The following GRHL2 variants were observed in gnomAD, a reference collection of about 807,000 sequenced individuals.
The protein encoded by GRHL2 is grainyhead like transcription factor 2.
A neutral mutation model predicts 83.8 loss-of-function variants in GRHL2; 21 were observed. That is an observed-to-expected ratio of 0.25 (90% confidence interval 0.18 to 0.36). GRHL2 has a LOEUF of 0.36. Among genes scored for constraint, GRHL2 ranks in the 10% least tolerant of loss-of-function variants. The probability of loss-of-function intolerance (pLI) is 1.00; values close to 1 mark genes in which losing one functional copy is unlikely to be tolerated. For missense variants in GRHL2, 623 were observed against 781.8 expected, an observed-to-expected ratio of 0.80 and a Z score of 2.42; for synonymous variants, 280 against 278.9, an observed-to-expected ratio of 1.00 and a Z score of -0.04.
chr8:101,593,215 G>A (rs1335932019), intron 7 of GRHL2, among the ~76,000 whole-genome samples: 1 of 152,194 alleles, frequency 6.6e-6, no homozygotes, highest in Non-Finnish European at 1.5e-5. Flanking sequence ...CAAAGTGTTA[G>A]GATTACAGGC....
At chr8:101,585,980 T>C (rs2130270821) in intron 7 of GRHL2, among the ~76,000 whole-genome samples, 1 of 152,010 alleles carries the variant, frequency 6.6e-6, no homozygotes, top group Admixed American at 6.5e-5. Flanking sequence ...GGGTCAGGAT[T>C]CTATCCCCAG....
In GRHL2 at chr8:101,608,751, ACAC is replaced by A. The variant is rs1563605490; in HGVS notation, c.1098+9601_1098+9603del. 1.2e-3 allele frequency among the ~76,000 whole-genome samples: 167 copies of A among 141,312 alleles called. 8 individuals are homozygous for A. The highest frequency in any genetic ancestry group is 1.0e-3 in the Non-Finnish European group (68 of 67,054). The allele number at this position is 141,312 out of a possible 152,430, so 92.7% of individuals were successfully genotyped here. A position where few individuals can be genotyped will look rare whatever the true frequency, so the allele number is the denominator to read the frequency against. Reference sequence around the variant, plus strand: ...CTCACTCTCTCACACACACACACACACACACACACACACACACACACACACACC... The same window carrying A: ...CTCACTCTCTCACACACACACACACAACACACACACACACACACACACACC... On this transcript the variant is annotated intron_variant, in intron 8 of 15. Transcript: ENST00000646743.
chr8:101,620,779 G>A (rs1812949357), intron 9 of GRHL2, among the ~76,000 whole-genome samples: 1 of 152,206 alleles, frequency 6.6e-6, no homozygotes, highest in South Asian at 2.1e-4. Flanking sequence ...TCTCAGGAGA[G>A]CATGTGAGAC....
At chr8:101,559,445 G>A (rs917981758) in intron 4 of GRHL2, among the ~76,000 whole-genome samples, 1 of 151,268 alleles carries the variant, frequency 6.6e-6, no homozygotes, top group East Asian at 1.9e-4. Context: ...CGGGAGAATC[G>A]CTTCAACCCG....
intron 7 of GRHL2, among the ~76,000 whole-genome samples, chr8:101,588,878 C>G (rs1812220610): frequency 6.6e-6 from 1 of 152,220 alleles, no homozygotes; most frequent in Non-Finnish European, 1.5e-5. Context: ...ATATAAAATA[C>G]CACCACTTCA....
chr8:101,572,559 A>G (rs1287139233), intron 5 of GRHL2, among the ~76,000 whole-genome samples: 1 of 152,206 alleles, frequency 6.6e-6, no homozygotes, highest in Non-Finnish European at 1.5e-5. Flanking sequence ...CCAGCCTTCC[A>G]ACGACTATGA....
intron 3 of GRHL2, among the ~76,000 whole-genome samples, chr8:101,557,157 A>G (rs1028198750): frequency 1.3e-5 from 2 of 152,040 alleles, no homozygotes; most frequent in African/African-American, 4.8e-5. Flanking sequence ...GTGTGTCTAA[A>G]AAATAAAAAA....
intron 14 of GRHL2, among the ~76,000 whole-genome samples, chr8:101,652,547 G>GT (rs1813685026): frequency 2.0e-4 from 10 of 50,360 alleles, no homozygotes; most frequent in African/African-American, 1.3e-3. Context: ...GTGTGTGTGT[G>GT]GTGTGTATGT....
chr8:101,615,864 T>C (rs929851420), intron 8 of GRHL2, among the ~76,000 whole-genome samples: 8 of 152,128 alleles, frequency 5.3e-5, no homozygotes, highest in Non-Finnish European at 1.0e-4. Flanking sequence ...TCAAAAATAT[T>C]TGTTGCATAA....
At chr8:101,504,038 G>C (rs1264274563) in intron 1 of GRHL2, among the ~76,000 whole-genome samples, 1 of 152,066 alleles carries the variant, frequency 6.6e-6, no homozygotes, top group East Asian at 1.9e-4. Flanking sequence ...AAAAATTAAA[G>C]GTTGTATATA....
intron 10 of GRHL2, 66 bp downstream of exon 10, chr8:101,631,790 C>G: frequency 7.6e-7 from 1 of 1,322,054 alleles, no homozygotes; most frequent in South Asian, 1.2e-5. Flanking sequence ...ACTGGGGGAA[C>G]AGGTGGAAGA....
chr8:101,556,970 A>AC (rs1563578668), intron 3 of GRHL2, among the ~76,000 whole-genome samples: 1 of 151,614 alleles, frequency 6.6e-6, no homozygotes, highest in Non-Finnish European at 1.5e-5. Flanking sequence ...AGTGTAATAA[A>AC]CCCCCCAAAT....
chr8:101,644,080 GT>G, intron 12 of GRHL2, 50 bp from the exon 13 acceptor site: 1 of 1,514,514 alleles, frequency 6.6e-7, no homozygotes. Context: ...GTGAACGTGT[GT>G]TTTGACACCT....
chr8:101,656,785 AAC>A (rs1488104461), intron 14 of GRHL2, among the ~76,000 whole-genome samples: 2 of 152,328 alleles, frequency 1.3e-5, no homozygotes, highest in Middle Eastern at 6.8e-3. Flanking sequence ...TGCTTAAAGT[AAC>A]ACACAGAAAT....
intron 14 of GRHL2, among the ~76,000 whole-genome samples, chr8:101,654,373 T>C (rs1813739988): frequency 6.6e-6 from 1 of 152,222 alleles, no homozygotes; most frequent in Non-Finnish European, 1.5e-5. Flanking sequence ...TTAACACATA[T>C]AGTCAGTAGA....
rs188503236 is a variant in GRHL2, at chr8:101,617,100, T to C, written c.1099-2439T>C. Among the ~76,000 whole-genome samples, 9 of 152,082 alleles carry C rather than the reference T, an allele frequency of 5.9e-5. No homozygotes were observed. In the East Asian group the frequency reaches 1.7e-3, roughly 29 times the overall value. On this transcript the variant is annotated intron_variant, in intron 8 of 15. Transcript: ENST00000646743. ...TAGCATTGATTCCATATACAGTACC[T>C]TTTTTTTCTTTTTCCCCTGACTTCC... is the stretch of plus-strand genomic sequence containing the variant.
intron 1 of GRHL2, among the ~76,000 whole-genome samples, chr8:101,515,323 C>T (rs2130024179): frequency 6.6e-6 from 1 of 152,310 alleles, no homozygotes; most frequent in South Asian, 2.1e-4. Flanking sequence ...TCAACATCCT[C>T]TTCCCCTCTC....
At chr8:101,493,594 C>T (rs1810021348) in intron 1 of GRHL2, among the ~76,000 whole-genome samples, 1 of 152,152 alleles carries the variant, frequency 6.6e-6, no homozygotes, top group African/African-American at 2.4e-5. Flanking sequence ...GCGATTCACC[C>T]GCGCCCCCGA....
chr8:101,513,493 CGTT>C (rs1428968817), intron 1 of GRHL2, among the ~76,000 whole-genome samples: 1 of 12,938 alleles, frequency 7.7e-5, no homozygotes, highest in Non-Finnish European at 3.2e-4. Context: ...TGCAGGCTAT[CGTT>C]GTGCTTTTTT....
Sources: allele counts gnomAD v4.1 joint callset (sites outside exome capture counted in the v4.1 genomes callset), GRCh38; gene constraint gnomAD v4.1.1; transcripts MANE v1.5; gene names NCBI Gene and HGNC (gene_info 2026-07-23, HGNC 2026-07-21).